The following PHF14 variants were observed in gnomAD, a reference collection of about 807,000 sequenced individuals.
PHF14 encodes the protein PHD finger protein 14.
In PHF14, 55 loss-of-function variants were observed where a neutral mutation model predicts 117.9. The observed-to-expected ratio is 0.47, with a 90% CI of 0.38 to 0.58. The LOEUF is 0.58. PHF14 is among the 20% of genes least tolerant of loss of function. The probability of loss-of-function intolerance (pLI) is 0.00; values close to 1 mark genes in which losing one functional copy is unlikely to be tolerated. For missense variants in PHF14, 978 were observed against 1,122.2 expected (o/e 0.87, Z 1.84); for synonymous variants, 409 against 368.6 (o/e 1.11, Z -1.26).
chr7:11,157,705 C>A lies in PHF14; in HGVS notation c.2773-11711C>A, dbSNP rs6958816. Among the ~76,000 whole-genome samples, 173 of 152,238 alleles carry A rather than the reference C, an allele frequency of 1.1e-3. 2 individuals carry two copies. The highest frequency in any genetic ancestry group is 4.1e-3 in the African/African-American group (170 of 41,556). On this transcript the variant is annotated intron_variant, in intron 17 of 17. Transcript: ENST00000634607. ...AAACTGCAAGCGTTTAAAAACATGACAATGAATTTCATGTGTTAGACATCC... is the reference window on the plus strand; with the variant it reads ...AAACTGCAAGCGTTTAAAAACATGAAAATGAATTTCATGTGTTAGACATCC...
chr7:11,129,082 A>G (rs1246863792), intron 17 of PHF14, among the ~76,000 whole-genome samples: 2 of 151,958 alleles, frequency 1.3e-5, no homozygotes, highest in Non-Finnish European at 2.9e-5. Context: ...GATGTTGCAT[A>G]TTTTTTCTAA....
At chr7:11,111,695 C>T (rs1187267505) in intron 17 of PHF14, among the ~76,000 whole-genome samples, 1 of 152,060 alleles carries the variant, frequency 6.6e-6, no homozygotes, top group Non-Finnish European at 1.5e-5. Context: ...AGTTGTTTTA[C>T]GTATTCTCTA....
chr7:10,982,665 G>A lies in PHF14; in HGVS notation c.406G>A (p.Glu136Lys). 2.5e-6 allele frequency: 4 copies of A among 1,573,554 alleles called. No homozygotes were observed. The highest frequency in any genetic ancestry group is 3.5e-6 in the Non-Finnish European group (4 of 1,158,698). ...AGAGAAGGAAAGAGAGAAGGAAAAA[G>A]AAAAAGCAACAGTATCTGAGAATGT... is the stretch of plus-strand genomic sequence containing the variant. ...EKEKEREKEK[E>K]KATVSENVAA... Residue 136 changes from glutamate (E) to lysine (K), a missense_variant, in exon 3 of 18, where the codon GAA becomes AAA. Glu to Lys is a moderately conservative substitution (Grantham distance 56). This residue lies in a region of PHF14 where 414 missense variants were observed against 376.4 expected (regional missense o/e 1.10). Coordinates refer to ENST00000634607, the MANE Select transcript of PHF14 (RefSeq NM_001007157.2).
intron 3 of PHF14, among the ~76,000 whole-genome samples, chr7:10,985,803 C>T (rs1782204788): frequency 6.6e-6 from 1 of 151,696 alleles, no homozygotes; most frequent in Non-Finnish European, 1.5e-5. Context: ...CAGGTGCATG[C>T]CACCATGCCC....
chr7:10,987,367 CAT>C (rs1312882542), intron 3 of PHF14, among the ~76,000 whole-genome samples: 7 of 152,070 alleles, frequency 4.6e-5, no homozygotes, highest in East Asian at 1.9e-4. Flanking sequence ...GTATTAAACA[CAT>C]GTGATTTAGA....
At chr7:11,085,608 A>T (rs1176023594) in intron 16 of PHF14, among the ~76,000 whole-genome samples, 1 of 152,000 alleles carries the variant, frequency 6.6e-6, no homozygotes, top group Non-Finnish European at 1.5e-5. Flanking sequence ...TTGGTGACCA[A>T]CCTTCCTCCT....
rs923612268 is a variant in PHF14 at position 11,130,923 on chromosome 7, G to A, written c.2772+19456G>A. ...CTGAATGTCATATAGTATGTAGCCTGTTCAATTTGGCTTCTTTCCGTAAGC... is the reference window on the plus strand; with the variant it reads ...CTGAATGTCATATAGTATGTAGCCTATTCAATTTGGCTTCTTTCCGTAAGC... On this transcript the variant is annotated intron_variant, in intron 17 of 17. Coordinates refer to ENST00000634607, the MANE Select transcript of PHF14 (RefSeq NM_001007157.2). The surrounding 1 kb of genome is among the most constrained non-coding windows in gnomAD (Gnocchi z 4.2). Among the ~76,000 whole-genome samples, 6 of 151,458 alleles carry A rather than the reference G, an allele frequency of 4.0e-5. No individual in the cohort carries two copies. Among genetic ancestry groups the A allele is most frequent in the African/African-American group, 1.5e-4 (6 of 41,226 alleles).
intron 17 of PHF14, among the ~76,000 whole-genome samples, chr7:11,151,696 A>AC (rs1269595102): frequency 2.0e-5 from 3 of 151,770 alleles, no homozygotes; most frequent in African/African-American, 4.8e-5. Flanking sequence ...TGTTCCCAAG[A>AC]CCCCCAGGAG....
intron 16 of PHF14, among the ~76,000 whole-genome samples, chr7:11,101,547 CAT>C (rs1156529978): frequency 1.3e-5 from 2 of 151,810 alleles, no homozygotes; most frequent in African/African-American, 2.4e-5. Context: ...ATAAATACAA[CAT>C]GTCTTTGAAA....
At chr7:11,102,942 A>G in intron 16 of PHF14, 1 of 1,044,720 alleles carries the variant, frequency 9.6e-7, no homozygotes, top group Non-Finnish European at 1.2e-6. Flanking sequence ...GACTTAATAA[A>G]TACAATATGC....
At chr7:11,083,331 A>G (rs1343890497) in intron 16 of PHF14, among the ~76,000 whole-genome samples, 1 of 152,094 alleles carries the variant, frequency 6.6e-6, no homozygotes, top group Non-Finnish European at 1.5e-5. Context: ...TTGGAGTCTT[A>G]TTCCTCACTT....
intron 4 of PHF14, among the ~76,000 whole-genome samples, chr7:10,994,893 A>G (rs1294994280): frequency 1.3e-5 from 2 of 152,166 alleles, no homozygotes; most frequent in Non-Finnish European, 2.9e-5. Context: ...AAGCTTCCAC[A>G]GTGTGGAAGG....
chr7:10,987,871 C>T (rs1401951888), intron 3 of PHF14, among the ~76,000 whole-genome samples: 2 of 151,742 alleles, frequency 1.3e-5, no homozygotes, highest in Non-Finnish European at 2.9e-5. Flanking sequence ...ACAGATCTAG[C>T]TGGGCGTGGT....
At chr7:11,113,953 A>G (rs1198281569) in intron 17 of PHF14, among the ~76,000 whole-genome samples, 1 of 152,150 alleles carries the variant, frequency 6.6e-6, no homozygotes, top group Non-Finnish European at 1.5e-5. Flanking sequence ...GAAAGTTCAT[A>G]TGCTTTGCTT....
chr7:11,123,718 T>C (rs1787840451), intron 17 of PHF14, among the ~76,000 whole-genome samples: 2 of 151,050 alleles, frequency 1.3e-5, no homozygotes, highest in African/African-American at 4.9e-5. Flanking sequence ...AGGCAGAGGC[T>C]GCAGTGAACC....
intron 4 of PHF14, among the ~76,000 whole-genome samples, chr7:11,009,904 G>C (rs901919691): frequency 2.0e-5 from 3 of 152,158 alleles, no homozygotes; most frequent in Admixed American, 6.5e-5. Context: ...AACTGTAGGA[G>C]GTTTAAAACT....
At chr7:11,105,336 C>A in intron 16 of PHF14, 2 of 938,544 alleles carry the variant, frequency 2.1e-6, no homozygotes, top group Non-Finnish European at 2.5e-6. Flanking sequence ...TATTTACACT[C>A]CATTCTATTT....
Position 11,038,753 on chromosome 7 carries a change from T to C in PHF14, c.1981-7T>C, listed in dbSNP as rs1456962780. On this transcript the variant is annotated splice_region_variant and splice_polypyrimidine_tract_variant and intron_variant, in intron 10 of 17. Coordinates refer to ENST00000634607, the MANE Select transcript of PHF14 (RefSeq NM_001007157.2). ...AATGAAGTTTACTAATTTGGCTTAC[T>C]TTGTAGCTATGTGAATCTTTAGAAG... 3 of 1,444,734 alleles carry C rather than the reference T, an allele frequency of 2.1e-6. No homozygotes were observed. The highest frequency in any genetic ancestry group is 2.9e-6 in the Non-Finnish European group (3 of 1,043,642). The allele number at this position is 1,444,734 out of a possible 1,614,324, so 89.5% of individuals were successfully genotyped here. A position where few individuals can be genotyped will look rare whatever the true frequency, so the allele number is the denominator to read the frequency against.
At chr7:11,015,845 C>G (rs1243392493) in intron 5 of PHF14, among the ~76,000 whole-genome samples, 26 of 140,916 alleles carry the variant, frequency 1.8e-4, no homozygotes, top group African/African-American at 6.6e-4. Context: ...TTTTTGGTAA[C>G]TCTTCCAGTC....
Sources: allele counts gnomAD v4.1 joint callset (sites outside exome capture counted in the v4.1 genomes callset), GRCh38; gene constraint gnomAD v4.1.1; regional missense constraint gnomAD v4.1.1; non-coding constraint Gnocchi (gnomAD v3.1); transcripts MANE v1.5; gene names NCBI Gene and HGNC (gene_info 2026-07-23, HGNC 2026-07-21).